The following ZNF626 variants were observed in gnomAD, a reference collection of about 807,000 sequenced individuals.
ZNF626 encodes the protein zinc finger protein 626.
ZNF626 carries 4 observed loss-of-function variants against 11.7 expected under a neutral mutation model. The observed-to-expected ratio is 0.34, with a 90% CI of 0.17 to 0.78. The LOEUF (loss-of-function observed/expected upper bound fraction) is 0.78, where lower values mean the gene tolerates loss of function less well. ZNF626 is among the 30% of genes least tolerant of loss of function. The probability of loss-of-function intolerance (pLI) is 0.57; values close to 1 mark genes in which losing one functional copy is unlikely to be tolerated. For synonymous variants in ZNF626, 179 were observed against 198.6 expected (o/e 0.90, Z 0.83); for missense variants, 588 against 587.1 (o/e 1.00, Z -0.01).
chr19:20,652,804 G>A (rs2144791413), intron 1 of ZNF626, among the ~76,000 whole-genome samples: 1 of 152,278 alleles, frequency 6.6e-6, no homozygotes, highest in Non-Finnish European at 1.5e-5. Context: ...AGTGGCTGGA[G>A]TAGCACGCAT....
chr19:20,645,818 G>A lies in ZNF626; in HGVS notation c.131-39C>T, dbSNP rs201218738. 2.4e-5 allele frequency: 37 copies of A among 1,521,736 alleles called. No individual in the cohort carries two copies. In the African/African-American group the frequency reaches 4.4e-4, roughly 18 times the overall value. The allele number at this position is 1,521,736 out of a possible 1,614,324, so 94.3% of individuals were successfully genotyped here. A position where few individuals can be genotyped will look rare whatever the true frequency, so the allele number is the denominator to read the frequency against. On this transcript the variant is annotated intron_variant, in intron 2 of 3. Coordinates refer to ENST00000601440, the MANE Select transcript of ZNF626 (RefSeq NM_001076675.3). The stretch of plus-strand genomic sequence containing the variant: ...AATAAATAACATAAATCTTGCTTAT[G>A]TTCTCCAATTACAAGCTAGTAATGT...
In ZNF626 at chr19:20,621,353, C is replaced by G. The variant is rs1969756019; in HGVS notation, c.*2937G>C. ...GGTCAGGCTGGTCTTGAACTCCTGA[C>G]CTCATGATCTGCCCGACGTCGCCTA... On this transcript the variant is annotated 3_prime_UTR_variant, in exon 4 of 4. Coordinates refer to ENST00000601440, the MANE Select transcript of ZNF626 (RefSeq NM_001076675.3). The G allele has an allele frequency of 6.6e-6, 1 of 152,140 alleles. No individual in the cohort carries two copies. Among genetic ancestry groups the G allele is most frequent in the Non-Finnish European group, 1.5e-5 (1 of 68,040 alleles). The allele number at this position is 152,140 out of a possible 1,614,324, so 9.4% of individuals were successfully genotyped here.
chr19:20,661,424 T>A lies in ZNF626; in HGVS notation c.3+20A>T. On this transcript the variant is annotated intron_variant, in intron 1 of 3. Coordinates refer to ENST00000601440, the MANE Select transcript of ZNF626 (RefSeq NM_001076675.3). ...AACCAGTCCCTCTCCTCTCTCGGGA[T>A]GTCGGACCCTCACTCTCACCATTTT... The A allele has an allele frequency of 6.2e-7, 1 of 1,613,868 alleles. No homozygotes were observed. Among genetic ancestry groups the A allele is most frequent in the Non-Finnish European group, 8.5e-7 (1 of 1,179,840 alleles).
intron 1 of ZNF626, among the ~76,000 whole-genome samples, chr19:20,656,672 AC>A (rs1555773145): frequency 7.5e-6 from 1 of 133,922 alleles, no homozygotes; most frequent in Non-Finnish European, 1.5e-5. Flanking sequence ...CATGTGGCTA[AC>A]AAGCATTATT....
intron 3 of ZNF626, among the ~76,000 whole-genome samples, chr19:20,632,090 T>C (rs1555770405): frequency 2.0e-5 from 3 of 152,170 alleles, no homozygotes; most frequent in Non-Finnish European, 4.4e-5. Flanking sequence ...TGAAAATTCT[T>C]TTCTTTAAAA....
chr19:20,655,481 C>T (rs1167961086), intron 1 of ZNF626, among the ~76,000 whole-genome samples: 1 of 152,016 alleles, frequency 6.6e-6, no homozygotes, highest in Non-Finnish European at 1.5e-5. Context: ...CTTTTCGGAA[C>T]CAAAAACAAA....
rs181350606 is a variant in ZNF626, at chr19:20,639,440, T to G, written c.226+6244A>C. ...TGTTAGGACACATACCAAGTTTTATTAAATTCAAAAATACTGATTGGGTGA... is the reference window on the plus strand; with the variant it reads ...TGTTAGGACACATACCAAGTTTTATGAAATTCAAAAATACTGATTGGGTGA... On this transcript the variant is annotated intron_variant, in intron 3 of 3. Coordinates refer to ENST00000601440, the MANE Select transcript of ZNF626 (RefSeq NM_001076675.3). Among the ~76,000 whole-genome samples the G allele has an allele frequency of 2.0e-5, 3 of 152,364 alleles. No homozygotes were observed. The East Asian group carries it at 5.8e-4, about 29-fold the overall frequency.
rs1555769528 is a variant in ZNF626 at position 20,625,529 on chromosome 19, T to A, written c.348A>T (p.Gly116=). 4 of 1,613,578 alleles carry A rather than the reference T, an allele frequency of 2.5e-6. No homozygotes were observed. The South Asian group carries it at 4.4e-5, about 18-fold the overall frequency. ...CEHDNLQLKK[G]CISVDECKVH... Reference sequence around the variant, plus strand: ...CCTTACACTCATCCACACTTATACATCCTTTTTTTAACTGTAAATTGTCAT... The same window carrying A: ...CCTTACACTCATCCACACTTATACAACCTTTTTTTAACTGTAAATTGTCAT... The change falls in exon 4 of 4, where the codon GGA becomes GGT. Residue 116 remains glycine (G), a synonymous_variant. Transcript: ENST00000601440.
At chr19:20,627,748 C>G (rs1969855871) in intron 3 of ZNF626, among the ~76,000 whole-genome samples, 1 of 152,030 alleles carries the variant, frequency 6.6e-6, no homozygotes, top group Non-Finnish European at 1.5e-5. Flanking sequence ...AGTGGCAAGA[C>G]AGAAGTAGAA....
chr19:20,647,729 AC>A (rs782344375), intron 1 of ZNF626, among the ~76,000 whole-genome samples: 1 of 151,670 alleles, frequency 6.6e-6, no homozygotes, highest in Non-Finnish European at 1.5e-5. Context: ...CTCGTGATCC[AC>A]CCACCTCGGC....
At chr19:20,641,573 C>T (rs1384675807) in intron 3 of ZNF626, among the ~76,000 whole-genome samples, 7 of 152,070 alleles carry the variant, frequency 4.6e-5, no homozygotes, top group African/African-American at 1.7e-4. Context: ...TGTGAATATA[C>T]TTAACATGCC....
chr19:20,658,488 G>A (rs1368283507), intron 1 of ZNF626, among the ~76,000 whole-genome samples: 1 of 152,154 alleles, frequency 6.6e-6, no homozygotes, highest in Non-Finnish European at 1.5e-5. Flanking sequence ...GCAGCTACAA[G>A]AAAACAGGGT....
intron 1 of ZNF626, among the ~76,000 whole-genome samples, chr19:20,657,299 G>A (rs949123150): frequency 1.3e-5 from 2 of 152,266 alleles, no homozygotes; most frequent in South Asian, 4.1e-4. Flanking sequence ...AGAACTGCTT[G>A]AGCCTGAAAG....
At chr19:20,628,014 G>C (rs960146246) in intron 3 of ZNF626, among the ~76,000 whole-genome samples, 8 of 152,094 alleles carry the variant, frequency 5.3e-5, no homozygotes, top group African/African-American at 1.7e-4. Context: ...CCACCTATTA[G>C]TGAGAACATG....
intron 1 of ZNF626, 29 bp downstream of exon 1, chr19:20,661,415 C>T: frequency 6.2e-7 from 1 of 1,613,790 alleles, no homozygotes; most frequent in Non-Finnish European, 8.5e-7. Flanking sequence ...TCCCTCTCCT[C>T]TCTCGGGATG....
intron 3 of ZNF626, among the ~76,000 whole-genome samples, chr19:20,637,075 G>A (rs568765084): frequency 8.1e-5 from 12 of 148,846 alleles, no homozygotes; most frequent in African/African-American, 2.7e-4. Flanking sequence ...CTCCATCCTG[G>A]GCCATAGAGT....
intron 1 of ZNF626, among the ~76,000 whole-genome samples, chr19:20,655,991 G>A (rs1555773075): frequency 6.6e-6 from 1 of 151,788 alleles, no homozygotes; most frequent in Non-Finnish European, 1.5e-5. Context: ...TTTTTGAAGA[G>A]TTTGAACTCT....
intron 3 of ZNF626, among the ~76,000 whole-genome samples, chr19:20,630,298 T>C (rs1301335974): frequency 6.6e-6 from 1 of 152,226 alleles, no homozygotes; most frequent in Non-Finnish European, 1.5e-5. Flanking sequence ...CCTCACAAAA[T>C]GAGTTAGGGA....
Position 20,624,643 on chromosome 19 carries a change from G to A in ZNF626, c.1234C>T (p.Leu412Phe). ...GTATGAATTTTCTTATGTGTAGTAA[G>A]GTTAGAGGAGTACTTAAAAGCTTTG... ...CGKAFKYSSN[L>F]TTHKKIHTGE... The change falls in exon 4 of 4, where the codon CTT (leucine) becomes TTT (phenylalanine). Residue 412 changes from leucine (L) to phenylalanine (F), a missense_variant. By Grantham distance (22) the Leu-to-Phe change is conservative. Transcript: ENST00000601440. 6.3e-7 allele frequency: 1 copy of A among 1,592,628 alleles called. No homozygotes were observed. Among genetic ancestry groups the A allele is most frequent in the East Asian group, 2.3e-5 (1 of 44,294 alleles).
Sources: gnomAD v4.1 joint callset for allele counts (sites outside exome capture counted in the v4.1 genomes callset) on GRCh38, gnomAD v4.1.1 for gene constraint, MANE v1.5 for transcripts, NCBI Gene and HGNC (gene_info 2026-07-23, HGNC 2026-07-21) for gene names.